BCHE: variants seen among roughly 807,000 people sequenced by gnomAD.
BCHE encodes the protein cholinesterase.
A neutral mutation model predicts 51.3 loss-of-function variants in BCHE; 48 were observed. The observed-to-expected ratio is 0.94, with a 90% CI of 0.74 to 1.19. BCHE has a LOEUF of 1.19. Among genes scored for constraint, BCHE ranks in the 50% most tolerant of loss-of-function variants. The pLI, the probability that BCHE is intolerant of heterozygous loss-of-function variation, is 0.00. For missense variants in BCHE, 847 were observed against 708.2 expected, an observed-to-expected ratio of 1.20 and a Z score of -2.23; for synonymous variants, 251 against 238.0, an observed-to-expected ratio of 1.05 and a Z score of -0.50.
chr3:165,773,308 G>T lies in BCHE; in HGVS notation c.*74C>A. The T allele has an allele frequency of 2.2e-6, 3 of 1,384,460 alleles. No homozygotes were observed. The highest frequency in any genetic ancestry group is 2.0e-6 in the Non-Finnish European group (2 of 993,850). The allele number at this position is 1,384,460 out of a possible 1,614,324, so 85.8% of individuals were successfully genotyped here. ...AGCTACATAATAACTTTTTTAGTAGGTGTGTAAAAAAGCTCCTGATATTTT... is the reference window on the plus strand; with the variant it reads ...AGCTACATAATAACTTTTTTAGTAGTTGTGTAAAAAAGCTCCTGATATTTT... On this transcript the variant is annotated 3_prime_UTR_variant, in exon 4 of 4. Transcript: ENST00000264381.
intron 3 of BCHE, among the ~76,000 whole-genome samples, chr3:165,777,056 G>A (rs192563208): frequency 1.3e-5 from 2 of 151,750 alleles, no homozygotes; most frequent in Admixed American, 1.3e-4. Context: ...TGTATAGCAG[G>A]CATGGTAAAA....
chr3:165,795,108 T>C (rs990461138), intron 2 of BCHE, among the ~76,000 whole-genome samples: 29 of 152,182 alleles, frequency 1.9e-4, no homozygotes, highest in Non-Finnish European at 4.4e-5. Flanking sequence ...CTTTTCACTT[T>C]ATTAAAAAAG....
Position 165,773,468 on chromosome 3 carries a change from A to G in BCHE, c.1723T>C (p.Phe575Leu). Reference protein sequence around the residue: ...DEAEWEWKAGFHRWNNYMMDW... With the variant: ...DEAEWEWKAGLHRWNNYMMDW... ...ATCATGTAATTGTTCCAGCGATGGAATCCTGCTTTCCACTCCCATTCTGCT... is the reference window on the plus strand; with the variant it reads ...ATCATGTAATTGTTCCAGCGATGGAGTCCTGCTTTCCACTCCCATTCTGCT... Residue 575 changes from phenylalanine (F) to leucine (L), a missense_variant, in exon 4 of 4, where the codon TTC becomes CTC. Coordinates refer to ENST00000264381, the MANE Select transcript of BCHE (RefSeq NM_000055.4). 1 of 1,608,574 alleles carries G rather than the reference A, an allele frequency of 6.2e-7. No individual in the cohort carries two copies. The highest frequency in any genetic ancestry group is 8.5e-7 in the Non-Finnish European group (1 of 1,175,330).
intron 2 of BCHE, among the ~76,000 whole-genome samples, chr3:165,816,533 C>G (rs1205640416): frequency 6.6e-6 from 1 of 151,922 alleles, no homozygotes; most frequent in Non-Finnish European, 1.5e-5. Context: ...TTCCTCTCCT[C>G]TCATTCTCTT....
chr3:165,788,424 C>T (rs1713042645), intron 2 of BCHE, among the ~76,000 whole-genome samples: 1 of 151,976 alleles, frequency 6.6e-6, no homozygotes, highest in Non-Finnish European at 1.5e-5. Context: ...AGATTGAAAC[C>T]TCCTGCTTTA....
rs1281424360 is a variant in BCHE at position 165,795,398 on chromosome 3, C to G, written c.1518-9087G>C. On this transcript the variant is annotated intron_variant, in intron 2 of 3. Coordinates refer to ENST00000264381, the MANE Select transcript of BCHE (RefSeq NM_000055.4). The stretch of plus-strand genomic sequence containing the variant: ...TTAGGAAGGTCTTTATAACTGTATT[C>G]TTTTTGTTTTCTGGAAGATGTAATA... Among the ~76,000 whole-genome samples, 3 of 152,056 alleles carry G rather than the reference C, an allele frequency of 2.0e-5. No homozygotes were observed. In the East Asian group the frequency reaches 5.8e-4, roughly 29 times the overall value.
In BCHE at chr3:165,830,515, G is replaced by C. The variant is rs760761804; in HGVS notation, c.519C>G (p.Asn173Lys). 5.6e-6 allele frequency: 9 copies of C among 1,613,876 alleles called. No individual in the cohort carries two copies. The highest frequency in any genetic ancestry group is 7.6e-6 in the Non-Finnish European group (9 of 1,179,910). The change falls in exon 2 of 4, where the codon AAC (asparagine) becomes AAG (lysine). Residue 173 changes from asparagine (N) to lysine (K), a missense_variant. Asn to Lys is a moderately conservative substitution (Grantham distance 94). Coordinates refer to ENST00000264381, the MANE Select transcript of BCHE (RefSeq NM_000055.4). Reference sequence around the variant, plus strand: ...AGAATCCTAGGGCACCCACCCTATAGTTCATTGACACTACAATAACTCTTT... The same window carrying C: ...AGAATCCTAGGGCACCCACCCTATACTTCATTGACACTACAATAACTCTTT... Reference protein sequence around the residue: ...RVERVIVVSMNYRVGALGFLA... With the variant: ...RVERVIVVSMKYRVGALGFLA...
chr3:165,822,754 A>G (rs1714577304), intron 2 of BCHE, among the ~76,000 whole-genome samples: 1 of 152,084 alleles, frequency 6.6e-6, no homozygotes, highest in African/African-American at 2.4e-5. Flanking sequence ...TGAAATAATG[A>G]TAACTTCCAT....
rs201751925 is a variant in BCHE, at chr3:165,773,328, TATTTTTGCCTTGATCTAA to T, written c.*36_*53del. On this transcript the variant is annotated 3_prime_UTR_variant, in exon 4 of 4. Coordinates refer to ENST00000264381, the MANE Select transcript of BCHE (RefSeq NM_000055.4). ...AGTAGGTGTGTAAAAAAGCTCCTGA[TATTTTTGCCTTGATCTAA>T]AGGAAAATATGTTCTATAAAGGGTA... is the stretch of plus-strand genomic sequence containing the variant. 334 of 1,542,710 alleles carry T rather than the reference TATTTTTGCCTTGATCTAA, an allele frequency of 2.2e-4. No individual in the cohort carries two copies. In the East Asian group the frequency reaches 7.2e-3, roughly 33 times the overall value.
chr3:165,836,706 G>A lies in BCHE; in HGVS notation c.-9+608C>T, dbSNP rs772297791. 6.6e-5 allele frequency among the ~76,000 whole-genome samples: 10 copies of A among 151,960 alleles called. No homozygotes were observed. The South Asian group carries it at 8.3e-4, about 13-fold the overall frequency. Reference sequence around the variant, plus strand: ...TACAATTTAAACAAACATATAAAAAGTGAACACAAAGGGCAAAGGGGACAC... The same window carrying A: ...TACAATTTAAACAAACATATAAAAAATGAACACAAAGGGCAAAGGGGACAC... On this transcript the variant is annotated intron_variant, in intron 1 of 3. Coordinates refer to ENST00000264381, the MANE Select transcript of BCHE (RefSeq NM_000055.4).
chr3:165,814,264 C>A (rs1163886658), intron 2 of BCHE, among the ~76,000 whole-genome samples: 3 of 151,924 alleles, frequency 2.0e-5, no homozygotes, highest in Non-Finnish European at 4.4e-5. Flanking sequence ...TTTCAGGGTT[C>A]ATTAATATGA....
chr3:165,810,967 C>T (rs1237137139), intron 2 of BCHE, among the ~76,000 whole-genome samples: 1 of 151,998 alleles, frequency 6.6e-6, no homozygotes, highest in African/African-American at 2.4e-5. Context: ...AGTGAAGTAT[C>T]CTTTTTCTTC....
At chr3:165,826,658 A>T (rs1204669660) in intron 2 of BCHE, among the ~76,000 whole-genome samples, 1 of 152,128 alleles carries the variant, frequency 6.6e-6, no homozygotes, top group African/African-American at 2.4e-5. Flanking sequence ...TATAAATAGT[A>T]GACATAGATT....
chr3:165,812,157 C>T (rs1482757390), intron 2 of BCHE, among the ~76,000 whole-genome samples: 2 of 151,870 alleles, frequency 1.3e-5, no homozygotes, highest in African/African-American at 2.4e-5. Context: ...AGTACCAACT[C>T]TAAGATATAC....
At chr3:165,788,286 A>T (rs1713037458) in intron 2 of BCHE, among the ~76,000 whole-genome samples, 1 of 152,076 alleles carries the variant, frequency 6.6e-6, no homozygotes, top group Admixed American at 6.6e-5. Flanking sequence ...GACATGTTCA[A>T]CCATGAATTC....
At chr3:165,797,099 T>C (rs1713409995) in intron 2 of BCHE, among the ~76,000 whole-genome samples, 1 of 151,428 alleles carries the variant, frequency 6.6e-6, no homozygotes, top group Non-Finnish European at 1.5e-5. Context: ...TCAGAAACTT[T>C]TTCTTTCCCT....
Position 165,788,590 on chromosome 3 carries a change from T to C in BCHE, c.1518-2279A>G, listed in dbSNP as rs1018128516. On this transcript the variant is annotated intron_variant, in intron 2 of 3. Transcript: ENST00000264381. ...CTGGATATTAAACCAGGAGAACCGA[T>C]GGTCTGATTCAGTACAGCAATTCTT... 3.9e-5 allele frequency among the ~76,000 whole-genome samples: 6 copies of C among 152,108 alleles called. No individual in the cohort carries two copies. In the East Asian group the frequency reaches 1.2e-3, roughly 29 times the overall value.
chr3:165,830,433 A>T lies in BCHE; in HGVS notation c.601T>A (p.Leu201Met), dbSNP rs766971452. The change falls in exon 2 of 4, where the codon TTG (leucine) becomes ATG (methionine). Residue 201 changes from leucine to methionine, a missense_variant. Coordinates refer to ENST00000264381, the MANE Select transcript of BCHE (RefSeq NM_000055.4). Reference protein sequence around the residue: ...PGNMGLFDQQLALQWVQKNIA... With the variant: ...PGNMGLFDQQMALQWVQKNIA... The stretch of plus-strand genomic sequence containing the variant: ...TTTTTTTGAACCCACTGAAGAGCCA[A>T]CTGTTGATCAAATAAACCCATGTTC... The T allele has an allele frequency of 4.3e-6, 7 of 1,613,698 alleles. No individual in the cohort carries two copies. In the South Asian group the frequency reaches 7.7e-5, roughly 18 times the overall value.
intron 2 of BCHE, among the ~76,000 whole-genome samples, chr3:165,795,275 A>T (rs1713333478): frequency 6.6e-6 from 1 of 152,180 alleles, no homozygotes; most frequent in Admixed American, 6.5e-5. Flanking sequence ...AGGAGTCATT[A>T]TATAGACGAC....
Sources: allele counts gnomAD v4.1 joint callset (sites outside exome capture counted in the v4.1 genomes callset), GRCh38; gene constraint gnomAD v4.1.1; transcripts MANE v1.5; gene names NCBI Gene and HGNC (gene_info 2026-07-23, HGNC 2026-07-21).